NOL4: variants seen among roughly 807,000 people sequenced by gnomAD.
NOL4 encodes nucleolar protein 4.
NOL4 carries 17 observed loss-of-function variants against 75.9 expected under a neutral mutation model. That is an observed-to-expected ratio of 0.22 (90% confidence interval 0.15 to 0.34). The LOEUF is 0.34. NOL4 is among the 10% of genes least tolerant of loss of function. The probability of loss-of-function intolerance (pLI) is 1.00; values close to 1 mark genes in which losing one functional copy is unlikely to be tolerated. For synonymous variants in NOL4, 292 were observed against 289.9 expected (o/e 1.01, Z -0.07); for missense variants, 614 against 793.5 (o/e 0.77, Z 2.72).
chr18:34,025,658 C>T (rs959105506), intron 5 of NOL4, among the ~76,000 whole-genome samples: 3 of 152,068 alleles, frequency 2.0e-5, no homozygotes, highest in Admixed American at 1.3e-4. Context: ...ATCTGAAATT[C>T]CCTCACAGAA....
intron 1 of NOL4, among the ~76,000 whole-genome samples, chr18:34,206,015 CCA>C (rs2036098586): frequency 6.6e-6 from 1 of 151,988 alleles, no homozygotes; most frequent in African/African-American, 2.4e-5. Context: ...AAGGTGCATC[CCA>C]CACATTTTGA....
intron 1 of NOL4, among the ~76,000 whole-genome samples, chr18:34,214,820 A>T (rs2036766972): frequency 6.6e-6 from 1 of 152,226 alleles, no homozygotes; most frequent in African/African-American, 2.4e-5. Context: ...ATGGAATATT[A>T]TTCAGCCTTT....
chr18:34,190,314 T>C (rs1461886534), intron 1 of NOL4, among the ~76,000 whole-genome samples: 1 of 151,996 alleles, frequency 6.6e-6, no homozygotes, highest in Non-Finnish European at 1.5e-5. Flanking sequence ...ACAGATCGCA[T>C]GCAAATAAAA....
At chr18:34,156,408 A>G (rs1328908841) in intron 1 of NOL4, among the ~76,000 whole-genome samples, 1 of 152,194 alleles carries the variant, frequency 6.6e-6, no homozygotes, top group Non-Finnish European at 1.5e-5. Context: ...GAACCAAGGC[A>G]GCTTAACTCT....
intron 1 of NOL4, among the ~76,000 whole-genome samples, chr18:34,172,421 A>G (rs1380838711): frequency 6.6e-6 from 1 of 152,106 alleles, no homozygotes; most frequent in African/African-American, 2.4e-5. Flanking sequence ...TTATTCATTC[A>G]TGTGCCAATA....
At chr18:33,992,540 T>G (rs2072997937) in intron 6 of NOL4, among the ~76,000 whole-genome samples, 1 of 152,012 alleles carries the variant, frequency 6.6e-6, no homozygotes, top group African/African-American at 2.4e-5. Context: ...GTCTGTGGTA[T>G]TTGAACCAAG....
At chr18:34,127,587 C>T (rs2080444891) in intron 2 of NOL4, among the ~76,000 whole-genome samples, 1 of 151,932 alleles carries the variant, frequency 6.6e-6, no homozygotes, top group Non-Finnish European at 1.5e-5. Context: ...TCTGGCCCAA[C>T]AGTCTATGGC....
rs572887034 is a variant in NOL4, at chr18:34,058,414, A to G, written c.772+35051T>C. On this transcript the variant is annotated intron_variant, in intron 5 of 10. Transcript: ENST00000261592. Reference sequence around the variant, plus strand: ...CTCCCAAAATGCTGGGATTACAGGCATGAGCCACTGCGCCCGGCCTCCTTA... The same window carrying G: ...CTCCCAAAATGCTGGGATTACAGGCGTGAGCCACTGCGCCCGGCCTCCTTA... Among the ~76,000 whole-genome samples the G allele has an allele frequency of 2.6e-4, 40 of 152,298 alleles. No homozygotes were observed. In the East Asian group the frequency reaches 4.6e-3, roughly 18 times the overall value.
Position 34,140,916 on chromosome 18 carries a change from CTG to C in NOL4, c.265-10898_265-10897del, listed in dbSNP as rs548620461. On this transcript the variant is annotated intron_variant, in intron 1 of 10. Coordinates refer to ENST00000261592, the MANE Select transcript of NOL4 (RefSeq NM_003787.5). ...TCAGCATTTGCTTGTCTAACAATGA[CTG>C]TATATCTAGAAAACCCCATTGTCTC... 1.3e-4 allele frequency among the ~76,000 whole-genome samples: 19 copies of C among 151,774 alleles called. No homozygotes were observed. The East Asian group carries it at 3.7e-3, about 29-fold the overall frequency.
At chr18:34,134,062 C>A (rs535517517) in intron 1 of NOL4, among the ~76,000 whole-genome samples, 1 of 152,064 alleles carries the variant, frequency 6.6e-6, no homozygotes, top group South Asian at 2.1e-4. Context: ...CCCTCAGCTT[C>A]TTTAAAACAC....
intron 9 of NOL4, among the ~76,000 whole-genome samples, chr18:33,928,677 C>T (rs1375864928): frequency 6.6e-6 from 1 of 151,952 alleles, no homozygotes; most frequent in Admixed American, 6.6e-5. Context: ...AACAGAAGTA[C>T]TCTTATTCTA....
intron 5 of NOL4, among the ~76,000 whole-genome samples, chr18:34,059,122 C>CATATATATATATATATATAT (rs55773398): frequency 1.4e-4 from 17 of 118,198 alleles, no homozygotes; most frequent in Admixed American, 3.7e-4. Context: ...GATAGATATA[C>CATATATATATATATATATAT]ATATATATAT....
intron 1 of NOL4, among the ~76,000 whole-genome samples, chr18:34,166,382 ATCTGG>A (rs2146222553): frequency 6.6e-6 from 1 of 152,288 alleles, no homozygotes; most frequent in South Asian, 2.1e-4. Flanking sequence ...TGGATCTTGT[ATCTGG>A]AACTGAAGTA....
chr18:33,983,398 A>G (rs536332343), intron 6 of NOL4, among the ~76,000 whole-genome samples: 1 of 152,054 alleles, frequency 6.6e-6, no homozygotes, highest in Non-Finnish European at 1.5e-5. Context: ...CTGGTGAGGG[A>G]TGTTGATAGT....
intron 6 of NOL4, among the ~76,000 whole-genome samples, chr18:34,017,794 C>T (rs974816205): frequency 3.9e-5 from 6 of 152,124 alleles, no homozygotes; most frequent in African/African-American, 1.4e-4. Context: ...TCTTCTGCGT[C>T]TTTGGCTATT....
At chr18:34,194,867 A>G (rs1319020847) in intron 1 of NOL4, among the ~76,000 whole-genome samples, 1 of 152,014 alleles carries the variant, frequency 6.6e-6, no homozygotes, top group Non-Finnish European at 1.5e-5. Flanking sequence ...TCTACTAAAA[A>G]TACAAAATTA....
chr18:33,886,939 T>G lies in NOL4; in HGVS notation c.1543-3515A>C, dbSNP rs370455117. On this transcript the variant is annotated intron_variant, in intron 9 of 10. Transcript: ENST00000261592. Reference sequence around the variant, plus strand: ...ATATACATATATATCTATATATCTATATATCTAGATATATTATATCTAGAT... The same window carrying G: ...ATATACATATATATCTATATATCTAGATATCTAGATATATTATATCTAGAT... 3.1e-3 allele frequency among the ~76,000 whole-genome samples: 408 copies of G among 131,612 alleles called. 2 individuals are homozygous for G. Among genetic ancestry groups the G allele is most frequent in the African/African-American group, 0.011 (348 of 32,296 alleles). The allele number at this position is 131,612 out of a possible 152,430, so 86.3% of individuals were successfully genotyped here.
At chr18:33,876,868 G>A (rs185298717) in intron 10 of NOL4, among the ~76,000 whole-genome samples, 8 of 151,942 alleles carry the variant, frequency 5.3e-5, no homozygotes, top group African/African-American at 7.2e-5. Context: ...TGAAGAAAAC[G>A]AAACTGGTAT....
chr18:34,052,425 T>TA (rs981149232), intron 5 of NOL4, among the ~76,000 whole-genome samples: 2 of 152,108 alleles, frequency 1.3e-5, no homozygotes, highest in African/African-American at 2.4e-5. Context: ...CTTAAACATT[T>TA]AACTCTTTTT....
Sources: allele counts gnomAD v4.1 joint callset (sites outside exome capture counted in the v4.1 genomes callset), GRCh38; gene constraint gnomAD v4.1.1; transcripts MANE v1.5; gene names NCBI Gene and HGNC (gene_info 2026-07-23, HGNC 2026-07-21).